FGD4: variants seen among roughly 807,000 people sequenced by gnomAD.
FGD4 encodes the protein FYVE, RhoGEF and PH domain-containing protein 4.
Under a neutral mutation model 102.0 loss-of-function variants are expected in FGD4, and 42 were observed. That is an observed-to-expected ratio of 0.41 (90% confidence interval 0.32 to 0.53). FGD4 has a LOEUF of 0.53. Among genes scored for constraint, FGD4 ranks in the 20% least tolerant of loss-of-function variants. The probability of loss-of-function intolerance (pLI) is 0.21; values close to 1 mark genes in which losing one functional copy is unlikely to be tolerated. For synonymous variants in FGD4, 380 were observed against 375.7 expected, an observed-to-expected ratio of 1.01 and a Z score of -0.13; for missense variants, 902 against 1,078.2, an observed-to-expected ratio of 0.84 and a Z score of 2.29.
intron 11 of FGD4, among the ~76,000 whole-genome samples, chr12:32,622,679 T>C (rs1475383429): frequency 6.6e-6 from 1 of 152,098 alleles, no homozygotes; most frequent in African/African-American, 2.4e-5. Flanking sequence ...TGCAACCTCC[T>C]CCTCCCAGGT....
chr12:32,583,250 T>C (rs1946754917), intron 4 of FGD4, among the ~76,000 whole-genome samples: 1 of 152,094 alleles, frequency 6.6e-6, no homozygotes, highest in Non-Finnish European at 1.5e-5. Flanking sequence ...GGTGGGAGAA[T>C]TTCTTGAGCC....
chr12:32,494,258 G>T (rs1937646151), intron 1 of FGD4, among the ~76,000 whole-genome samples: 1 of 152,028 alleles, frequency 6.6e-6, no homozygotes, highest in African/African-American at 2.4e-5. Context: ...TCGCTATGTT[G>T]TCCAGGCTAG....
rs869107334 is a variant in FGD4 at position 32,412,899 on chromosome 12, A to ATTTTTTTT, written c.166+12958_166+12965dup. 5.4e-3 allele frequency among the ~76,000 whole-genome samples: 473 copies of ATTTTTTTT among 86,966 alleles called. 49 individuals are homozygous for ATTTTTTTT. Among genetic ancestry groups the ATTTTTTTT allele is most frequent in the African/African-American group, 0.022 (401 of 18,288 alleles). The allele number at this position is 86,966 out of a possible 152,430, so 57.1% of individuals were successfully genotyped here. ...CTGTCCAGAGACCCCTTTTCTAGAAATTTTTTTTTTTTTTTTTTTTTTTTT... is the reference window on the plus strand; with the variant it reads ...CTGTCCAGAGACCCCTTTTCTAGAAATTTTTTTTTTTTTTTTTTTTTTTTTTTTTTTTT... On this transcript the variant is annotated intron_variant, in intron 1 of 16. Transcript: ENST00000534526.
intron 1 of FGD4, among the ~76,000 whole-genome samples, chr12:32,546,357 C>T (rs1436413172): frequency 6.6e-6 from 1 of 152,242 alleles, no homozygotes; most frequent in Non-Finnish European, 1.5e-5. Flanking sequence ...AGCCACCACC[C>T]CAGACATGAA....
At chr12:32,529,859 TA>T (rs993096878) in intron 1 of FGD4, among the ~76,000 whole-genome samples, 25 of 145,674 alleles carry the variant, frequency 1.7e-4, no homozygotes, top group South Asian at 4.3e-4. Context: ...AAAAAAAATT[TA>T]AAAAAAAAAA....
At chr12:32,611,419 C>G in intron 10 of FGD4, 136 bp downstream of exon 10, 1 of 997,330 alleles carries the variant, frequency 1.0e-6, no homozygotes, top group Non-Finnish European at 1.5e-6. Context: ...AGTTTGAGAC[C>G]AGTCTACTAA....
At chr12:32,537,819 TATA>T (rs1942429160) in intron 1 of FGD4, among the ~76,000 whole-genome samples, 3 of 152,218 alleles carry the variant, frequency 2.0e-5, no homozygotes, top group Admixed American at 1.3e-4. Context: ...GTATATAGGA[TATA>T]ATAATAGCCT....
At chr12:32,618,764 A>G (rs1021216264) in intron 10 of FGD4, among the ~76,000 whole-genome samples, 1 of 152,152 alleles carries the variant, frequency 6.6e-6, no homozygotes, top group African/African-American at 2.4e-5. Flanking sequence ...TGAGTTCAGG[A>G]GTTCAAGACC....
At chr12:32,564,401 G>A in intron 2 of FGD4, 112 bp downstream of exon 2, 2 of 1,275,160 alleles carry the variant, frequency 1.6e-6, no homozygotes, top group Admixed American at 2.8e-5. Flanking sequence ...GAAGGAATTG[G>A]GTACATTATT....
At chr12:32,463,298 A>T (rs1028038247) in intron 1 of FGD4, among the ~76,000 whole-genome samples, 1 of 152,240 alleles carries the variant, frequency 6.6e-6, no homozygotes, top group Non-Finnish European at 1.5e-5. Flanking sequence ...GAAAAGAGTA[A>T]AACTTCAACC....
intron 1 of FGD4, among the ~76,000 whole-genome samples, chr12:32,401,902 C>CCT (rs1244374606): frequency 1.5e-5 from 2 of 129,416 alleles, no homozygotes; most frequent in Non-Finnish European, 3.4e-5. Flanking sequence ...AATTTTTGTA[C>CCT]ATTTTTTTTT....
At chr12:32,529,772 G>A (rs1941615162) in intron 1 of FGD4, among the ~76,000 whole-genome samples, 1 of 151,272 alleles carries the variant, frequency 6.6e-6, no homozygotes, top group African/African-American at 2.4e-5. Context: ...GAACCTGGGA[G>A]GCGGAAGTTG....
At chr12:32,639,033 T>G in intron 16 of FGD4, 2 of 1,102,148 alleles carry the variant, frequency 1.8e-6, no homozygotes, top group Non-Finnish European at 2.4e-6. Flanking sequence ...TCAATGGGTT[T>G]GAGAAAAGAT....
At chr12:32,621,892 T>C (rs897876224) in intron 11 of FGD4, among the ~76,000 whole-genome samples, 10 of 149,484 alleles carry the variant, frequency 6.7e-5, no homozygotes, top group Non-Finnish European at 3.0e-5. Flanking sequence ...GGGAACACTT[T>C]TTTTTTTTTT....
intron 1 of FGD4, among the ~76,000 whole-genome samples, chr12:32,555,208 G>A (rs1324639225): frequency 6.6e-6 from 1 of 152,198 alleles, no homozygotes; most frequent in African/African-American, 2.4e-5. Flanking sequence ...CTGGTGAATA[G>A]GATGTAGAGT....
At chr12:32,416,550 A>G (rs964753372) in intron 1 of FGD4, among the ~76,000 whole-genome samples, 4 of 152,154 alleles carry the variant, frequency 2.6e-5, no homozygotes, top group Non-Finnish European at 5.9e-5. Context: ...AAACACAACA[A>G]TTAGTATTCG....
At chr12:32,583,115 AT>A (rs1946743748) in intron 4 of FGD4, among the ~76,000 whole-genome samples, 1 of 152,186 alleles carries the variant, frequency 6.6e-6, no homozygotes, top group African/African-American at 2.4e-5. Flanking sequence ...GGCAGGAAGA[AT>A]TCCTCAGCCC....
chr12:32,415,117 A>T (rs934848617), intron 1 of FGD4, among the ~76,000 whole-genome samples: 1 of 152,072 alleles, frequency 6.6e-6, no homozygotes, highest in African/African-American at 2.4e-5. Context: ...ATTTATTTGT[A>T]GCTTTATTTC....
intron 14 of FGD4, among the ~76,000 whole-genome samples, chr12:32,632,713 A>ATTT (rs372972257): frequency 1.8e-3 from 218 of 123,830 alleles, no homozygotes; most frequent in African/African-American, 5.5e-3. Context: ...TTATTTATTT[A>ATTT]TTTTTTTTTT....
Sources: gnomAD v4.1 joint callset for allele counts (sites outside exome capture counted in the v4.1 genomes callset) on GRCh38, gnomAD v4.1.1 for gene constraint, MANE v1.5 for transcripts, NCBI Gene and HGNC (gene_info 2026-07-23, HGNC 2026-07-21) for gene names.